The following RPH3AL variants were observed in gnomAD, a reference collection of about 807,000 sequenced individuals.
The protein encoded by RPH3AL is rabphilin 3A like (without C2 domains).
RPH3AL carries 38 observed loss-of-function variants against 43.1 expected under a neutral mutation model. The observed-to-expected ratio is 0.88, with a 90% CI of 0.68 to 1.15. RPH3AL has a LOEUF of 1.15. RPH3AL is among the 50% of genes most tolerant of loss of function. The probability of loss-of-function intolerance (pLI) is 0.00; values close to 1 mark genes in which losing one functional copy is unlikely to be tolerated. For missense variants in RPH3AL, 462 were observed against 423.2 expected, an observed-to-expected ratio of 1.09 and a Z score of -0.81; for synonymous variants, 189 against 176.3, an observed-to-expected ratio of 1.07 and a Z score of -0.57.
At chr17:222,280 A>G (rs933942761) in intron 7 of RPH3AL, among the ~76,000 whole-genome samples, 1 of 152,262 alleles carries the variant, frequency 6.6e-6, no homozygotes, top group Non-Finnish European at 1.5e-5. Flanking sequence ...CCCAAGTTGT[A>G]AGTAGAAGAG....
intron 6 of RPH3AL, among the ~76,000 whole-genome samples, chr17:275,498 G>A (rs964687734): frequency 6.6e-6 from 1 of 152,056 alleles, no homozygotes; most frequent in Admixed American, 6.6e-5. Flanking sequence ...GTGGGGTAAC[G>A]ACTCCAGTGG....
At chr17:237,870 G>A (rs11150894) in intron 7 of RPH3AL, among the ~76,000 whole-genome samples, 79,910 of 152,080 alleles carry the variant, frequency 0.53, 21,137 homozygotes, top group East Asian at 0.6. Flanking sequence ...ACAGCAGGCC[G>A]GGTGCGGTGG....
chr17:250,576 GCTCT>G (rs1555542139), intron 6 of RPH3AL, among the ~76,000 whole-genome samples: 1 of 75,616 alleles, frequency 1.3e-5, no homozygotes, highest in South Asian at 3.0e-4. Flanking sequence ...TCTTTACTAA[GCTCT>G]ATCACTGCGG....
At chr17:231,250 C>T (rs1246465366) in intron 7 of RPH3AL, among the ~76,000 whole-genome samples, 1 of 152,228 alleles carries the variant, frequency 6.6e-6, no homozygotes, top group East Asian at 1.9e-4. Flanking sequence ...GGTTCCCCCA[C>T]TTGGGCTGGA....
chr17:262,339 CTG>C (rs1567594877), intron 6 of RPH3AL, among the ~76,000 whole-genome samples: 6 of 152,098 alleles, frequency 3.9e-5, no homozygotes, highest in Admixed American at 1.3e-4. Flanking sequence ...CCTCAGCCTC[CTG>C]AGTAGCTGGG....
chr17:345,856 G>A lies in RPH3AL; in HGVS notation c.-213+6856C>T, dbSNP rs548435180. 4.7e-4 allele frequency among the ~76,000 whole-genome samples: 64 copies of A among 135,024 alleles called. 16 individuals carry two copies. The South Asian group carries it at 7.8e-3, about 17-fold the overall frequency. 88.6% of individuals were successfully genotyped at this position (135,024 alleles called of 152,430 possible). Reference sequence around the variant, plus strand: ...CCATCTGCCCGCACACCCTGCTGGGGCATGCCTGCTCCCCACCTGCACACA... The same window carrying A: ...CCATCTGCCCGCACACCCTGCTGGGACATGCCTGCTCCCCACCTGCACACA... On this transcript the variant is annotated intron_variant, in intron 1 of 9. Coordinates refer to ENST00000331302, the MANE Select transcript of RPH3AL (RefSeq NM_006987.4).
chr17:314,908 C>T (rs866975700), intron 5 of RPH3AL, among the ~76,000 whole-genome samples: 14 of 121,010 alleles, frequency 1.2e-4, no homozygotes, highest in African/African-American at 5.1e-4. Context: ...CCTCCATTGA[C>T]CAGTAGTCCC....
Position 274,579 on chromosome 17 carries a change from C to T in RPH3AL, c.438+7189G>A, listed in dbSNP as rs998314051. 1.3e-5 allele frequency among the ~76,000 whole-genome samples: 2 copies of T among 152,134 alleles called. No individual in the cohort carries two copies. The highest frequency in any genetic ancestry group is 2.1e-4 in the South Asian group (1 of 4,832). On this transcript the variant is annotated intron_variant, in intron 6 of 9. Transcript: ENST00000331302. This position sits in a 1 kb window ranked among gnomAD's most constrained non-coding sequence, Gnocchi z 4.7. ...GGGAGAGCAGGGAGAGCAGGAAGAG[C>T]GGAGGAGACAGCATAAGCCAGGGGC...
intron 1 of RPH3AL, among the ~76,000 whole-genome samples, chr17:343,266 C>T (rs906647678): frequency 6.6e-6 from 1 of 152,210 alleles, no homozygotes; most frequent in Non-Finnish European, 1.5e-5. Context: ...GGACTGAGGG[C>T]TGTGGAGTCA....
chr17:317,084 C>T (rs1205398352), intron 5 of RPH3AL, among the ~76,000 whole-genome samples: 74 of 145,444 alleles, frequency 5.1e-4, no homozygotes, highest in Non-Finnish European at 8.1e-4. Flanking sequence ...AGTCTCTGTG[C>T]TCCACCTCCA....
intron 6 of RPH3AL, 34 bp from the exon 7 acceptor site, chr17:247,319 G>C (rs1223085796): frequency 6.6e-7 from 1 of 1,519,994 alleles, no homozygotes; most frequent in Non-Finnish European, 8.8e-7. Flanking sequence ...TGGGGCACAG[G>C]ACGCAGAGGA....
chr17:223,560 T>C (rs1211264058), intron 7 of RPH3AL, among the ~76,000 whole-genome samples: 1 of 152,230 alleles, frequency 6.6e-6, no homozygotes, highest in African/African-American at 2.4e-5. Flanking sequence ...AAAATCCGTC[T>C]ATACTGCGGT....
chr17:310,864 G>A (rs1334757118), intron 5 of RPH3AL, among the ~76,000 whole-genome samples: 1 of 152,116 alleles, frequency 6.6e-6, no homozygotes, highest in East Asian at 1.9e-4. Flanking sequence ...CTATGTCTGG[G>A]CCTCCCTGAT....
intron 7 of RPH3AL, among the ~76,000 whole-genome samples, chr17:222,624 A>C (rs2041017903): frequency 6.6e-6 from 1 of 152,208 alleles, no homozygotes; most frequent in Admixed American, 6.5e-5. Context: ...AATTTTTAAC[A>C]CAGAAATGTA....
At chr17:279,945 C>T (rs947806009) in intron 6 of RPH3AL, among the ~76,000 whole-genome samples, 2 of 152,222 alleles carry the variant, frequency 1.3e-5, no homozygotes, top group Non-Finnish European at 2.9e-5. Flanking sequence ...TTATTAACTC[C>T]ATCTGGGGAT....
At chr17:305,317 C>T (rs1399362686) in intron 5 of RPH3AL, among the ~76,000 whole-genome samples, 1 of 151,996 alleles carries the variant, frequency 6.6e-6, no homozygotes, top group Non-Finnish European at 1.5e-5. Context: ...GCGTAACAGC[C>T]CTCAGCCTGC....
intron 5 of RPH3AL, among the ~76,000 whole-genome samples, chr17:299,125 G>A (rs1361674735): frequency 6.6e-6 from 1 of 152,164 alleles, no homozygotes; most frequent in African/African-American, 2.4e-5. Context: ...GAGGAGTAGA[G>A]GATGCACTGG....
At chr17:350,913 G>A (rs764096332) in intron 1 of RPH3AL, among the ~76,000 whole-genome samples, 4 of 152,126 alleles carry the variant, frequency 2.6e-5, no homozygotes, top group Non-Finnish European at 4.4e-5. Context: ...TCAGCTGGCC[G>A]CACCCACTTC....
intron 7 of RPH3AL, among the ~76,000 whole-genome samples, chr17:236,887 G>A (rs942294997): frequency 5.9e-5 from 9 of 151,926 alleles, no homozygotes; most frequent in African/African-American, 7.3e-5. Flanking sequence ...TTTGGAAGCC[G>A]GGATCCTGGG....
Sources: allele counts gnomAD v4.1 joint callset (sites outside exome capture counted in the v4.1 genomes callset), GRCh38; gene constraint gnomAD v4.1.1; non-coding constraint Gnocchi (gnomAD v3.1); transcripts MANE v1.5; gene names NCBI Gene and HGNC (gene_info 2026-07-23, HGNC 2026-07-21).